ARCN1: variants seen among roughly 807,000 people sequenced by gnomAD.
The protein encoded by ARCN1 is archain 1 coat protein complex I subunit delta.
ARCN1 carries 5 observed loss-of-function variants against 60.4 expected under a neutral mutation model. The ratio of observed to expected loss-of-function variants is 0.08; its 90% CI spans 0.04 to 0.17. ARCN1 has a LOEUF of 0.17. Among genes scored for constraint, ARCN1 ranks in the 10% least tolerant of loss-of-function variants. The pLI, the probability that ARCN1 is intolerant of heterozygous loss-of-function variation, is 1.00. For missense variants in ARCN1, 464 were observed against 626.5 expected (o/e 0.74, Z 2.77); for synonymous variants, 224 against 220.0 (o/e 1.02, Z -0.16).
chr11:118,574,770 T>A (rs968318533), intron 1 of ARCN1, among the ~76,000 whole-genome samples: 13 of 148,002 alleles, frequency 8.8e-5, no homozygotes, highest in African/African-American at 3.2e-4. Context: ...TTTTTTTTTT[T>A]AAAGAGACAG....
At chr11:118,577,248 C>CT (rs1305049529) in intron 1 of ARCN1, among the ~76,000 whole-genome samples, 1 of 151,702 alleles carries the variant, frequency 6.6e-6, no homozygotes, top group Non-Finnish European at 1.5e-5. Flanking sequence ...TTCTTTCTTT[C>CT]TTTCTTTTTT....
chr11:118,599,567 A>G (rs782322206), intron 9 of ARCN1, among the ~76,000 whole-genome samples: 3 of 151,660 alleles, frequency 2.0e-5, no homozygotes, highest in Non-Finnish European at 2.9e-5. Context: ...CTGGGACTAC[A>G]GGCGTGTACT....
intron 5 of ARCN1, among the ~76,000 whole-genome samples, chr11:118,588,565 C>T (rs1340322172): frequency 6.6e-6 from 1 of 152,182 alleles, no homozygotes; most frequent in Non-Finnish European, 1.5e-5. Flanking sequence ...TCATTGTTAG[C>T]CTGGCATGAT....
At chr11:118,588,155 A>T (rs1240459418) in intron 5 of ARCN1, among the ~76,000 whole-genome samples, 1 of 152,170 alleles carries the variant, frequency 6.6e-6, no homozygotes, top group Non-Finnish European at 1.5e-5. Flanking sequence ...GATAGGCATG[A>T]TTGACAGGCA....
At chr11:118,592,648 A>G (rs1938937942) in intron 6 of ARCN1, 61 bp from the exon 7 acceptor site, 1 of 1,403,040 alleles carries the variant, frequency 7.1e-7, no homozygotes, top group Non-Finnish European at 9.8e-7. Flanking sequence ...ATATAAGCCT[A>G]GTGAGGGGTT....
At chr11:118,600,348 G>A (rs1357958467) in intron 9 of ARCN1, among the ~76,000 whole-genome samples, 2 of 152,140 alleles carry the variant, frequency 1.3e-5, no homozygotes, top group African/African-American at 4.8e-5. Flanking sequence ...GGCAGGGCTG[G>A]GCTGTGGCCA....
Position 118,591,226 on chromosome 11 carries a change from A to G in ARCN1, c.984+720A>G, listed in dbSNP as rs139373245. Among the ~76,000 whole-genome samples the G allele has an allele frequency of 9.1e-4, 139 of 152,324 alleles. 4 individuals carry two copies. The East Asian group carries it at 0.012, about 13-fold the overall frequency. Reference sequence around the variant, plus strand: ...GTGTTCTTGTAATTTCATTTCATTTAGCCGACATCTCGTCACAAGAACAAA... The same window carrying G: ...GTGTTCTTGTAATTTCATTTCATTTGGCCGACATCTCGTCACAAGAACAAA... On this transcript the variant is annotated intron_variant, in intron 6 of 9. Coordinates refer to ENST00000264028, the MANE Select transcript of ARCN1 (RefSeq NM_001655.5).
Position 118,592,856 on chromosome 11 carries a change from A to G in ARCN1, c.1132A>G (p.Ile378Val). ...AGAGGAATCTTTTATTCCACTGACA[A>G]GTAAGTGCCTCTGGCCAGTCCCACT... ...TTEESFIPLT[I>V]NCWPSESGNG... is the part of the protein sequence containing the mutation. The change falls in exon 7 of 10, where the codon ATT becomes GTT. Residue 378 changes from isoleucine to valine, a missense_variant and splice_region_variant. Coordinates refer to ENST00000264028, the MANE Select transcript of ARCN1 (RefSeq NM_001655.5). The G allele has an allele frequency of 6.2e-7, 1 of 1,613,502 alleles. No individual in the cohort carries two copies. The highest frequency in any genetic ancestry group is 8.5e-7 in the Non-Finnish European group (1 of 1,179,548).
rs1168549539 is a variant in ARCN1 at position 118,601,468 on chromosome 11, C to T, written c.*754C>T. 1 of 614,980 alleles carries T rather than the reference C, an allele frequency of 1.6e-6. No individual in the cohort carries two copies. Among genetic ancestry groups the T allele is most frequent in the Non-Finnish European group, 2.9e-6 (1 of 346,990 alleles). The allele number at this position is 614,980 out of a possible 1,614,324, so 38.1% of individuals were successfully genotyped here. A position where few individuals can be genotyped will look rare whatever the true frequency, so the allele number is the denominator to read the frequency against. On this transcript the variant is annotated 3_prime_UTR_variant, in exon 10 of 10. Coordinates refer to ENST00000264028, the MANE Select transcript of ARCN1 (RefSeq NM_001655.5). Reference sequence around the variant, plus strand: ...GTAGAAAATTTTAATCATTCATACCCTTTACCTTTAGGTTTTTCTTTCTAT... The same window carrying T: ...GTAGAAAATTTTAATCATTCATACCTTTTACCTTTAGGTTTTTCTTTCTAT...
At chr11:118,591,550 C>T (rs1938908890) in intron 6 of ARCN1, among the ~76,000 whole-genome samples, 1 of 151,834 alleles carries the variant, frequency 6.6e-6, no homozygotes, top group South Asian at 2.1e-4. Context: ...TGCCACCATG[C>T]CCAGCTAATT....
In ARCN1 at chr11:118,601,419, G is replaced by C. The variant is rs1939146361; in HGVS notation, c.*705G>C. ...TAAATATAGTTATATTTCATACTTA[G>C]TTTGTTTTTAAAAAGTTTTCTCTGT... On this transcript the variant is annotated 3_prime_UTR_variant, in exon 10 of 10. Transcript: ENST00000264028. 1 of 597,670 alleles carries C rather than the reference G, an allele frequency of 1.7e-6. No individual in the cohort carries two copies. Among genetic ancestry groups the C allele is most frequent in the African/African-American group, 1.9e-5 (1 of 53,400 alleles). The allele number at this position is 597,670 out of a possible 1,614,324, so 37.0% of individuals were successfully genotyped here.
intron 2 of ARCN1, 67 bp downstream of exon 2, chr11:118,581,576 C>A: frequency 6.6e-7 from 1 of 1,522,134 alleles, no homozygotes. Context: ...CTAGTTTTTC[C>A]TCCAAAGCAG....
chr11:118,593,956 C>G, intron 8 of ARCN1: 1 of 306,870 alleles, frequency 3.3e-6, no homozygotes, highest in Non-Finnish European at 6.2e-6. Context: ...CACAAGGGAA[C>G]TTTTGGGAAT....
Position 118,591,156 on chromosome 11 carries a change from T to G in ARCN1, c.984+650T>G, listed in dbSNP as rs551933101. 3.9e-5 allele frequency among the ~76,000 whole-genome samples: 6 copies of G among 152,376 alleles called. No individual in the cohort carries two copies. In the South Asian group the frequency reaches 1.2e-3, roughly 32 times the overall value. Reference sequence around the variant, plus strand: ...ATCCTTTCAATATAAGTGTGTGTGTTCCAACTATTGGATAGATATATATAA... The same window carrying G: ...ATCCTTTCAATATAAGTGTGTGTGTGCCAACTATTGGATAGATATATATAA... On this transcript the variant is annotated intron_variant, in intron 6 of 9. Coordinates refer to ENST00000264028, the MANE Select transcript of ARCN1 (RefSeq NM_001655.5).
chr11:118,579,617 G>A (rs1303166556), intron 1 of ARCN1, among the ~76,000 whole-genome samples: 4 of 151,724 alleles, frequency 2.6e-5, no homozygotes, highest in Non-Finnish European at 5.9e-5. Context: ...GAACCTGGGA[G>A]GTGGAGGTTT....
At chr11:118,589,205 T>C (rs1366362953) in intron 5 of ARCN1, among the ~76,000 whole-genome samples, 1 of 152,148 alleles carries the variant, frequency 6.6e-6, no homozygotes, top group African/African-American at 2.4e-5. Context: ...AAATCAAATG[T>C]ATAACATACA....
intron 8 of ARCN1, 160 bp downstream of exon 8, chr11:118,593,858 T>G: frequency 2.0e-6 from 1 of 503,448 alleles, no homozygotes; most frequent in Non-Finnish European, 3.6e-6. Context: ...GCATGTTATG[T>G]GATTCCACTT....
At chr11:118,580,452 G>T (rs782539879) in intron 1 of ARCN1, among the ~76,000 whole-genome samples, 18 of 152,114 alleles carry the variant, frequency 1.2e-4, no homozygotes, top group Non-Finnish European at 1.8e-4. Context: ...AATTATTTTA[G>T]TTCAATATAA....
At chr11:118,600,545 A>G (rs1939125511) in intron 9 of ARCN1, 80 bp from the exon 10 acceptor site, 1 of 877,282 alleles carries the variant, frequency 1.1e-6, no homozygotes, top group Non-Finnish European at 1.8e-6. Context: ...GGAAATTGAT[A>G]TGTTCTGTAA....
Sources: allele counts gnomAD v4.1 joint callset (sites outside exome capture counted in the v4.1 genomes callset), GRCh38; gene constraint gnomAD v4.1.1; transcripts MANE v1.5; gene names NCBI Gene and HGNC (gene_info 2026-07-23, HGNC 2026-07-21).